The following PLD5 variants were observed in gnomAD, a reference collection of about 807,000 sequenced individuals.
PLD5 encodes the protein phospholipase D family member 5.
Under a neutral mutation model 61.1 loss-of-function variants are expected in PLD5, and 36 were observed. The ratio of observed to expected loss-of-function variants is 0.59; its 90% CI spans 0.45 to 0.78. The LOEUF (loss-of-function observed/expected upper bound fraction) is 0.78. Ranked by LOEUF, PLD5 falls within the 30% of genes least tolerant of loss-of-function variation. PLD5 has a pLI of 0.00. For synonymous variants in PLD5, 243 were observed against 242.8 expected, an observed-to-expected ratio of 1.00 and a Z score of -0.01; for missense variants, 515 against 644.4, an observed-to-expected ratio of 0.80 and a Z score of 2.17.
At chr1:242,133,006 C>CTACT (rs111821197) in intron 5 of PLD5, among the ~76,000 whole-genome samples, 3 of 150,400 alleles carry the variant, frequency 2.0e-5, no homozygotes, top group Non-Finnish European at 4.4e-5. Flanking sequence ...GCAGCCACCC[C>CTACT]TCCCACTCCC....
chr1:242,092,641 C>T (rs1196191323), intron 9 of PLD5, among the ~76,000 whole-genome samples: 8 of 152,088 alleles, frequency 5.3e-5, no homozygotes, highest in South Asian at 4.2e-4. Flanking sequence ...ACTCAGGTTT[C>T]GCTGCAGAAA....
At chr1:242,293,739 C>T (rs1477093046) in intron 2 of PLD5, among the ~76,000 whole-genome samples, 5 of 152,240 alleles carry the variant, frequency 3.3e-5, no homozygotes, top group Admixed American at 3.3e-4. Context: ...ACACTTTGTG[C>T]AGGTAATGAA....
At chr1:242,382,752 A>G (rs960385282) in intron 1 of PLD5, among the ~76,000 whole-genome samples, 1 of 151,812 alleles carries the variant, frequency 6.6e-6, no homozygotes, top group Non-Finnish European at 1.5e-5. Flanking sequence ...CAGTTAAGAC[A>G]TTTATTACAT....
intron 5 of PLD5, among the ~76,000 whole-genome samples, chr1:242,180,283 G>A (rs916164278): frequency 6.6e-6 from 1 of 152,078 alleles, no homozygotes; most frequent in African/African-American, 2.4e-5. Flanking sequence ...TAGGGCTGAA[G>A]ACACAGGAAA....
rs138595715 is a variant in PLD5, at chr1:242,248,750, G to A, written c.607+16587C>T. 9.0e-3 allele frequency among the ~76,000 whole-genome samples: 1,369 copies of A among 152,186 alleles called. 21 individuals are homozygous for A. The highest frequency in any genetic ancestry group is 0.031 in the African/African-American group (1,306 of 41,504). On this transcript the variant is annotated intron_variant, in intron 4 of 9. Coordinates refer to ENST00000536534, the MANE Select transcript of PLD5 (RefSeq NM_001372062.1). The stretch of plus-strand genomic sequence containing the variant: ...GGTAGCATGTACTCTTTCCTCAAGA[G>A]GAACCATAATTTATCAGTTTCCTTA...
chr1:242,335,410 G>T (rs984530882), intron 2 of PLD5, among the ~76,000 whole-genome samples: 1 of 152,160 alleles, frequency 6.6e-6, no homozygotes. Context: ...ATGAACCACA[G>T]TCCACACCAT....
chr1:242,449,417 C>T (rs776506027), intron 1 of PLD5: 85 of 1,535,922 alleles, frequency 5.5e-5, no homozygotes, highest in Middle Eastern at 3.3e-4. Context: ...CGCTGATGTG[C>T]TGCTTCCCAC....
intron 2 of PLD5, among the ~76,000 whole-genome samples, chr1:242,290,585 G>T (rs1333123396): frequency 2.0e-5 from 3 of 152,042 alleles, no homozygotes; most frequent in African/African-American, 7.2e-5. Context: ...ACACCTGTAC[G>T]CCACTGGCAT....
chr1:242,189,599 A>T (rs2148924296), intron 5 of PLD5, among the ~76,000 whole-genome samples: 1 of 152,204 alleles, frequency 6.6e-6, no homozygotes. Context: ...AGAGAAAATC[A>T]CTATCTTCAA....
At chr1:242,403,610 A>G (rs921165809) in intron 1 of PLD5, among the ~76,000 whole-genome samples, 1 of 151,930 alleles carries the variant, frequency 6.6e-6, no homozygotes, top group African/African-American at 2.4e-5. Flanking sequence ...GATTACAGGC[A>G]TCCATCACCA....
chr1:242,320,961 A>C (rs1658357749), intron 2 of PLD5, among the ~76,000 whole-genome samples: 1 of 152,216 alleles, frequency 6.6e-6, no homozygotes, highest in Non-Finnish European at 1.5e-5. Flanking sequence ...GAGGTTCTGA[A>C]ACTGATTCCC....
intron 5 of PLD5, among the ~76,000 whole-genome samples, chr1:242,148,837 C>T (rs777681689): frequency 2.0e-5 from 3 of 151,802 alleles, no homozygotes; most frequent in Non-Finnish European, 4.4e-5. Context: ...AACATTTCTA[C>T]ATACAGAAAC....
chr1:242,247,656 T>C (rs1672466751), intron 4 of PLD5, among the ~76,000 whole-genome samples: 3 of 152,210 alleles, frequency 2.0e-5, no homozygotes, highest in Admixed American at 2.0e-4. Context: ...TCACAGCCAA[T>C]AACTCAGTTT....
intron 7 of PLD5, among the ~76,000 whole-genome samples, chr1:242,112,651 A>C (rs1661621061): frequency 6.6e-6 from 1 of 152,214 alleles, no homozygotes; most frequent in Non-Finnish European, 1.5e-5. Flanking sequence ...TTGCGTAAAG[A>C]AGCTACCTAC....
chr1:242,105,811 TATC>T (rs1204652948), intron 8 of PLD5, among the ~76,000 whole-genome samples: 1 of 144,640 alleles, frequency 6.9e-6, no homozygotes, highest in Non-Finnish European at 1.6e-5. Flanking sequence ...GCATAAACTC[TATC>T]ATTAGAGAGA....
intron 8 of PLD5, among the ~76,000 whole-genome samples, chr1:242,104,616 A>G (rs1454288815): frequency 6.6e-6 from 1 of 152,164 alleles, no homozygotes. Flanking sequence ...TATTTAATGT[A>G]TGCTTCAGTT....
intron 1 of PLD5, among the ~76,000 whole-genome samples, chr1:242,466,187 A>T (rs2343120): frequency 0.18 from 27,460 of 152,130 alleles, 3,035 homozygotes; most frequent in Non-Finnish European, 0.25. Context: ...ATAATTGCAA[A>T]ATAGTATTAT....
At chr1:242,095,200 G>A (rs148788564) in intron 9 of PLD5, among the ~76,000 whole-genome samples, 4 of 151,946 alleles carry the variant, frequency 2.6e-5, no homozygotes, top group East Asian at 2.0e-4. Flanking sequence ...TTCCCAAAGC[G>A]CTGGAATTAT....
In PLD5 at chr1:242,222,565, G is replaced by A. The variant is rs1403623919; in HGVS notation, c.608-2450C>T. 2.6e-5 allele frequency among the ~76,000 whole-genome samples: 4 copies of A among 152,146 alleles called. 1 individual carries two copies. Among genetic ancestry groups the A allele is most frequent in the South Asian group, 4.1e-4 (2 of 4,828 alleles). On this transcript the variant is annotated intron_variant, in intron 4 of 9. Coordinates refer to ENST00000536534, the MANE Select transcript of PLD5 (RefSeq NM_001372062.1). ...GCGTGGGACACTGTGTCTGAAACTC[G>A]GCCCCGTGGCCAGTTGCCATTTGCA...
Sources: allele counts gnomAD v4.1 joint callset (sites outside exome capture counted in the v4.1 genomes callset), GRCh38; gene constraint gnomAD v4.1.1; transcripts MANE v1.5; gene names NCBI Gene and HGNC (gene_info 2026-07-23, HGNC 2026-07-21).